Variants in ITGB1 observed in about 807,000 individuals in gnomAD.
ITGB1 encodes integrin beta-1.
In ITGB1, 24 loss-of-function variants were observed where a neutral mutation model predicts 86.5. The ratio of observed to expected loss-of-function variants is 0.28; its 90% CI spans 0.20 to 0.39. ITGB1 has a LOEUF of 0.39. Ranked by LOEUF, ITGB1 falls within the 10% of genes least tolerant of loss-of-function variation. The probability of loss-of-function intolerance (pLI) is 1.00; values close to 1 mark genes in which losing one functional copy is unlikely to be tolerated. For synonymous variants in ITGB1, 323 were observed against 316.8 expected (o/e 1.02, Z -0.21); for missense variants, 556 against 946.9 (o/e 0.59, Z 5.42).
chr10:32,912,229 C>T lies in ITGB1; in HGVS notation c.1470-105G>A, dbSNP rs201475769. 160 of 863,072 alleles carry T rather than the reference C, an allele frequency of 1.9e-4. No homozygotes were observed. In the East Asian group the frequency reaches 3.2e-3, roughly 17 times the overall value. 53.5% of individuals were successfully genotyped at this position (863,072 alleles called of 1,614,324 possible). A position where few individuals can be genotyped will look rare whatever the true frequency, so the allele number is the denominator to read the frequency against. On this transcript the variant is annotated intron_variant, in intron 11 of 15. Transcript: ENST00000302278. ...TCTAGTCTACAGCTCCCAGCGTGAG[C>T]GACACAGAAGACAGGTGGTTTCTGC...
chr10:32,949,594 T>C (rs556802142), intron 1 of ITGB1, among the ~76,000 whole-genome samples: 1 of 152,282 alleles, frequency 6.6e-6, no homozygotes, highest in East Asian at 1.9e-4. Context: ...CATATGAAAT[T>C]TTATCTAAGG....
chr10:32,944,029 G>A (rs530814793), intron 1 of ITGB1, among the ~76,000 whole-genome samples: 286 of 152,280 alleles, frequency 1.9e-3, no homozygotes, highest in South Asian at 2.3e-3. Context: ...CGTGCCCAGG[G>A]ACAGACAAGA....
At chr10:32,917,546 A>G (rs1243224395) in intron 11 of ITGB1, among the ~76,000 whole-genome samples, 2 of 152,246 alleles carry the variant, frequency 1.3e-5, no homozygotes, top group Admixed American at 1.3e-4. Context: ...ATGAACAGAC[A>G]CTTCTCAAAA....
At chr10:32,957,006 C>T (rs2095053672) in intron 1 of ITGB1, among the ~76,000 whole-genome samples, 2 of 152,176 alleles carry the variant, frequency 1.3e-5, no homozygotes, top group Admixed American at 1.3e-4. Flanking sequence ...CCACAGGCAA[C>T]TTACTTTTGC....
intron 1 of ITGB1, among the ~76,000 whole-genome samples, chr10:32,951,446 T>C (rs749942790): frequency 2.0e-5 from 3 of 150,972 alleles, no homozygotes; most frequent in African/African-American, 4.9e-5. Flanking sequence ...GAAAAAAAAA[T>C]AGCTTTATGT....
intron 11 of ITGB1, among the ~76,000 whole-genome samples, chr10:32,916,251 A>G (rs938308321): frequency 6.6e-6 from 1 of 152,222 alleles, no homozygotes; most frequent in Admixed American, 6.5e-5. Flanking sequence ...AAACTGGCAC[A>G]AGACAGGGAT....
chr10:32,956,015 TTTG>T (rs2095051483), intron 1 of ITGB1, among the ~76,000 whole-genome samples: 1 of 152,202 alleles, frequency 6.6e-6, no homozygotes, highest in African/African-American at 2.4e-5. Flanking sequence ...AACCACATTC[TTTG>T]TCCTTTTAAC....
chr10:32,950,549 A>G (rs1271024353), intron 1 of ITGB1, among the ~76,000 whole-genome samples: 1 of 152,190 alleles, frequency 6.6e-6, no homozygotes, highest in East Asian at 1.9e-4. Flanking sequence ...AACTTCGCAG[A>G]AAGAATAGAG....
intron 1 of ITGB1, chr10:32,955,517 A>G (rs977852445): frequency 6.6e-6 from 1 of 152,212 alleles, no homozygotes; most frequent in Non-Finnish European, 1.5e-5. Flanking sequence ...ATATTAATGA[A>G]TATGTTTTCA....
chr10:32,922,150 G>A (rs2094952071), intron 9 of ITGB1, 107 bp downstream of exon 9: 1 of 629,388 alleles, frequency 1.6e-6, no homozygotes, highest in Admixed American at 3.2e-5. Context: ...TTTTTCTGTA[G>A]TACTTTGGGC....
Position 32,929,235 on chromosome 10 carries a change from C to T in ITGB1, c.376+587G>A, listed in dbSNP as rs2094975384. Among the ~76,000 whole-genome samples, 5 of 151,198 alleles carry T rather than the reference C, an allele frequency of 3.3e-5. No homozygotes were observed. In the South Asian group the frequency reaches 8.3e-4, roughly 25 times the overall value. On this transcript the variant is annotated intron_variant, in intron 4 of 15. Coordinates refer to ENST00000302278, the MANE Select transcript of ITGB1 (RefSeq NM_002211.4). ...AAATCCTGACAAGGGTCCCCTGGGTCTGCGGGCTGAAGGCGATGGTGGAGC... is the reference window on the plus strand; with the variant it reads ...AAATCCTGACAAGGGTCCCCTGGGTTTGCGGGCTGAAGGCGATGGTGGAGC...
At chr10:32,910,551 T>C (rs541697861) in intron 13 of ITGB1, 96 bp from the exon 14 acceptor site, 5 of 734,054 alleles carry the variant, frequency 6.8e-6, no homozygotes, top group Admixed American at 5.8e-5. Flanking sequence ...TGTGACCAAA[T>C]TGAACAAACA....
intron 1 of ITGB1, among the ~76,000 whole-genome samples, chr10:32,937,882 A>G (rs1197817209): frequency 6.6e-6 from 1 of 152,212 alleles, no homozygotes; most frequent in Non-Finnish European, 1.5e-5. Flanking sequence ...TTAACACTGA[A>G]TATTTCTTTT....
intron 1 of ITGB1, among the ~76,000 whole-genome samples, chr10:32,939,722 A>AAGTGAGTGAGTGAGTG (rs3035177): frequency 3.3e-5 from 5 of 149,774 alleles, no homozygotes; most frequent in African/African-American, 1.2e-4. Flanking sequence ...CTGGGTGGGT[A>AAGTGAGTGAGTGAGTG]AGTGAGTGAG....
chr10:32,900,639 T>C lies in ITGB1; in HGVS notation c.*931A>G, dbSNP rs1370784410. On this transcript the variant is annotated 3_prime_UTR_variant, in exon 16 of 16. Transcript: ENST00000302278. ...TCACATGTTCATTAAAAAGGCAAATTGACCGCTAAAACTTCAAAGAAAAAG... is the reference window on the plus strand; with the variant it reads ...TCACATGTTCATTAAAAAGGCAAATCGACCGCTAAAACTTCAAAGAAAAAG... 2 of 140,456 alleles carry C rather than the reference T, an allele frequency of 1.4e-5. No homozygotes were observed. Among genetic ancestry groups the C allele is most frequent in the Admixed American group, 1.4e-4 (2 of 13,882 alleles). 8.7% of individuals were successfully genotyped at this position (140,456 alleles called of 1,614,324 possible).
At chr10:32,927,759 A>G (rs1243719179) in intron 5 of ITGB1, among the ~76,000 whole-genome samples, 1 of 152,214 alleles carries the variant, frequency 6.6e-6, no homozygotes, top group Admixed American at 6.5e-5. Flanking sequence ...ACACCACTGC[A>G]CTCCAGTCTG....
Position 32,928,188 on chromosome 10 carries a change from C to T in ITGB1, c.453G>A (p.Leu151=). The change falls in exon 5 of 16, where the codon CTG becomes CTA. Residue 151 remains leucine, a synonymous_variant. Coordinates refer to ENST00000302278, the MANE Select transcript of ITGB1 (RefSeq NM_002211.4). ...CCAAATCGTCTTTCATTGAGTAAGA[C>T]AGGTCCATAAGGTAGTAGAGGTCAA... is the stretch of plus-strand genomic sequence containing the variant. ...YPIDLYYLMD[L]SYSMKDDLEN... 1.6e-6 allele frequency: 2 copies of T among 1,279,790 alleles called. No homozygotes were observed. Among genetic ancestry groups the T allele is most frequent in the Non-Finnish European group, 1.1e-6 (1 of 874,842 alleles). 79.3% of individuals were successfully genotyped at this position (1,279,790 alleles called of 1,614,324 possible).
intron 15 of ITGB1, among the ~76,000 whole-genome samples, chr10:32,905,699 A>G (rs1031129346): frequency 6.6e-6 from 1 of 152,258 alleles, no homozygotes; most frequent in Admixed American, 6.5e-5. Context: ...TATGTAAAAC[A>G]TTCCTACAAC....
chr10:32,939,588 T>C (rs2095012867), intron 1 of ITGB1, among the ~76,000 whole-genome samples: 1 of 152,230 alleles, frequency 6.6e-6, no homozygotes. Context: ...TAAGCATGTG[T>C]GTATCTACGC....
Sources: gnomAD v4.1 joint callset for allele counts (sites outside exome capture counted in the v4.1 genomes callset) on GRCh38, gnomAD v4.1.1 for gene constraint, MANE v1.5 for transcripts, NCBI Gene and HGNC (gene_info 2026-07-23, HGNC 2026-07-21) for gene names.